SLC7A14: variants seen among roughly 807,000 people sequenced by gnomAD.
SLC7A14 encodes solute carrier family 7 member 14.
A neutral mutation model predicts 60.2 loss-of-function variants in SLC7A14; 37 were observed. The ratio of observed to expected loss-of-function variants is 0.61; its 90% CI spans 0.47 to 0.81. The LOEUF is 0.81. Ranked by LOEUF, SLC7A14 falls within the 30% of genes least tolerant of loss-of-function variation. The pLI is 0.00. For synonymous variants in SLC7A14, 399 were observed against 395.8 expected (o/e 1.01, Z -0.10); for missense variants, 886 against 982.7 (o/e 0.90, Z 1.32).
chr3:170,467,941 T>C (rs1244009230), intron 7 of SLC7A14, among the ~76,000 whole-genome samples: 1 of 152,230 alleles, frequency 6.6e-6, no homozygotes, highest in Non-Finnish European at 1.5e-5. Context: ...CTTGACATTT[T>C]ACACTCACTA....
intron 1 of SLC7A14, chr3:170,570,539 G>A (rs998015800): frequency 1.3e-5 from 2 of 152,086 alleles, no homozygotes; most frequent in Non-Finnish European, 2.9e-5. Context: ...TAGGCTTGGT[G>A]CGGTTGGGAT....
In SLC7A14 at chr3:170,493,513, G is replaced by A. The variant is rs546728418; in HGVS notation, c.759+5154C>T. Reference sequence around the variant, plus strand: ...CTAAAGCAATTGAAGAATAAAGTGGGTTGGACCTCTGTACTAGTCCCCTAG... The same window carrying A: ...CTAAAGCAATTGAAGAATAAAGTGGATTGGACCTCTGTACTAGTCCCCTAG... On this transcript the variant is annotated intron_variant, in intron 4 of 7. Coordinates refer to ENST00000231706, the MANE Select transcript of SLC7A14 (RefSeq NM_020949.3). 1.8e-4 allele frequency among the ~76,000 whole-genome samples: 28 copies of A among 152,264 alleles called. No individual in the cohort carries two copies. The South Asian group carries it at 5.8e-3, about 32-fold the overall frequency.
intron 3 of SLC7A14, among the ~76,000 whole-genome samples, chr3:170,499,236 C>CAAAAAAAAAAAAAAAAAAAA (rs11336080): frequency 5.0e-5 from 3 of 59,932 alleles, no homozygotes; most frequent in African/African-American, 2.1e-4. Context: ...GACTCTGTCT[C>CAAAAAAAAAAAAAAAAAAAA]AAAAAAAAAA....
chr3:170,566,334 T>C (rs1714785875), intron 1 of SLC7A14, among the ~76,000 whole-genome samples: 1 of 152,138 alleles, frequency 6.6e-6, no homozygotes, highest in Non-Finnish European at 1.5e-5. Context: ...TGGAGTCAGG[T>C]GTAGAGCCAA....
intron 1 of SLC7A14, among the ~76,000 whole-genome samples, chr3:170,579,943 C>T (rs892530397): frequency 1.3e-4 from 20 of 152,318 alleles, no homozygotes; most frequent in African/African-American, 4.3e-4. Context: ...CAGCAAGACA[C>T]GGTTCTCAGG....
chr3:170,510,397 AAAATAAAT>A (rs1553869058), intron 2 of SLC7A14, among the ~76,000 whole-genome samples: 117 of 143,872 alleles, frequency 8.1e-4, no homozygotes, highest in South Asian at 2.4e-3. Context: ...CAAAAAAAAA[AAAATAAAT>A]AAATAAATAA....
intron 1 of SLC7A14, among the ~76,000 whole-genome samples, chr3:170,580,192 C>T (rs1389898275): frequency 6.6e-6 from 1 of 152,192 alleles, no homozygotes; most frequent in African/African-American, 2.4e-5. Context: ...TCCTTAACCA[C>T]AACATTTTTG....
chr3:170,542,080 C>T (rs373906165), intron 1 of SLC7A14, among the ~76,000 whole-genome samples: 16 of 152,154 alleles, frequency 1.1e-4, no homozygotes, highest in African/African-American at 3.6e-4. Flanking sequence ...TTTGGAGATA[C>T]AATTTTTTAG....
intron 4 of SLC7A14, among the ~76,000 whole-genome samples, chr3:170,495,310 A>G (rs1157017865): frequency 6.6e-6 from 1 of 152,222 alleles, no homozygotes; most frequent in Non-Finnish European, 1.5e-5. Flanking sequence ...AATTTCTTAT[A>G]CTGTTAAGAA....
In SLC7A14 at chr3:170,486,295, G is replaced by T. The variant is rs1712027063; in HGVS notation, c.833C>A (p.Ala278Asp). 2 of 1,614,102 alleles carry T rather than the reference G, an allele frequency of 1.2e-6. No individual in the cohort carries two copies. The highest frequency in any genetic ancestry group is 1.1e-5 in the South Asian group (1 of 91,086). The change falls in exon 5 of 8, where the codon GCC (alanine) becomes GAC (aspartate). Residue 278 changes from alanine to aspartate, a missense_variant. Transcript: ENST00000231706. Reference protein sequence around the residue: ...FDIIATTGEEAKNPNTSIPYA... With the variant: ...FDIIATTGEEDKNPNTSIPYA... ...AGGGATGGACGTGTTGGGATTCTTG[G>T]CTTCCTCTCCAGTGGTGGCGATGAT...
At chr3:170,469,892 A>G (rs974543831) in intron 7 of SLC7A14, among the ~76,000 whole-genome samples, 3 of 152,006 alleles carry the variant, frequency 2.0e-5, no homozygotes, top group African/African-American at 7.3e-5. Context: ...CACAAAGGTC[A>G]TTGTTCAGTC....
intron 3 of SLC7A14, among the ~76,000 whole-genome samples, chr3:170,499,154 G>A (rs548917569): frequency 9.5e-5 from 14 of 146,694 alleles, no homozygotes; most frequent in Non-Finnish European, 1.9e-4. Flanking sequence ...GGAGAATGGC[G>A]TGAACCTGGG....
chr3:170,530,980 C>T (rs1713663587), intron 1 of SLC7A14, among the ~76,000 whole-genome samples: 1 of 152,200 alleles, frequency 6.6e-6, no homozygotes, highest in Non-Finnish European at 1.5e-5. Context: ...AGACCCTTGG[C>T]AGTGGCTCTC....
At chr3:170,485,459 T>G (rs1465536892) in intron 5 of SLC7A14, among the ~76,000 whole-genome samples, 1 of 152,170 alleles carries the variant, frequency 6.6e-6, no homozygotes, top group Non-Finnish European at 1.5e-5. Context: ...TGAGAATGTT[T>G]GTGGAACCAC....
In SLC7A14 at chr3:170,464,662, C is replaced by T. The variant is rs2108260708; in HGVS notation, c.*2393G>A. ...ATATACTATGTGGGAAAAATGGCTCCTGAAATGAGAGTGCTTAATAGAATC... is the reference window on the plus strand; with the variant it reads ...ATATACTATGTGGGAAAAATGGCTCTTGAAATGAGAGTGCTTAATAGAATC... On this transcript the variant is annotated 3_prime_UTR_variant, in exon 8 of 8. Coordinates refer to ENST00000231706, the MANE Select transcript of SLC7A14 (RefSeq NM_020949.3). The T allele has an allele frequency of 6.6e-6, 1 of 152,212 alleles. No individual in the cohort carries two copies. Among genetic ancestry groups the T allele is most frequent in the South Asian group, 2.1e-4 (1 of 4,820 alleles). The allele number at this position is 152,212 out of a possible 1,614,324, so 9.4% of individuals were successfully genotyped here. A position where few individuals can be genotyped will look rare whatever the true frequency, so the allele number is the denominator to read the frequency against.
intron 1 of SLC7A14, among the ~76,000 whole-genome samples, chr3:170,552,649 G>T (rs1359579132): frequency 6.6e-6 from 1 of 152,086 alleles, no homozygotes; most frequent in East Asian, 1.9e-4. Context: ...TGACAGTCAA[G>T]ACATCTCAAA....
intron 4 of SLC7A14, among the ~76,000 whole-genome samples, chr3:170,497,023 A>G (rs1165004675): frequency 7.4e-6 from 1 of 135,646 alleles, no homozygotes; most frequent in Non-Finnish European, 1.5e-5. Context: ...CGCGCGGGGG[A>G]GTTTACTGCT....
At chr3:170,577,450 C>T (rs912338982) in intron 1 of SLC7A14, among the ~76,000 whole-genome samples, 1 of 151,400 alleles carries the variant, frequency 6.6e-6, no homozygotes, top group African/African-American at 2.4e-5. Context: ...AACCCCGTCT[C>T]TACTAAAAAT....
intron 1 of SLC7A14, among the ~76,000 whole-genome samples, chr3:170,539,941 A>G (rs1453423443): frequency 6.6e-6 from 1 of 152,232 alleles, no homozygotes; most frequent in Non-Finnish European, 1.5e-5. Context: ...TAGCATCACT[A>G]CTATTGTACT....
Sources: gnomAD v4.1 joint callset for allele counts (sites outside exome capture counted in the v4.1 genomes callset) on GRCh38, gnomAD v4.1.1 for gene constraint, MANE v1.5 for transcripts, NCBI Gene and HGNC (gene_info 2026-07-23, HGNC 2026-07-21) for gene names.